GOLGA6L6: variants seen among roughly 807,000 people sequenced by gnomAD.
GOLGA6L6 encodes golgin subfamily A member 6-like protein 6.
GOLGA6L6 carries 12 observed loss-of-function variants against 75.6 expected under a neutral mutation model. The observed-to-expected ratio is 0.16, with a 90% CI of 0.10 to 0.26. GOLGA6L6 has a LOEUF of 0.26. Ranked by LOEUF, GOLGA6L6 falls within the 10% of genes least tolerant of loss-of-function variation. The pLI is 1.00. For missense variants in GOLGA6L6, 144 were observed against 598.5 expected, an observed-to-expected ratio of 0.24 and a Z score of 7.92; for synonymous variants, 38 against 179.2, an observed-to-expected ratio of 0.21 and a Z score of 6.29.
In GOLGA6L6 at chr15:20,539,225, T is replaced by C. The variant is rs1408637628; in HGVS notation, c.292-539A>G. Among the ~76,000 whole-genome samples the C allele has an allele frequency of 3.4e-4, 20 of 58,256 alleles. 8 individuals carry two copies. The highest frequency in any genetic ancestry group is 1.4e-3 in the African/African-American group (19 of 13,156). 38.2% of individuals were successfully genotyped at this position (58,256 alleles called of 152,430 possible). ...TCTTGAAAAGATACTAACAGAAACCTTCAGAGGTGGAGTGCGAGAAAAGCC... is the reference window on the plus strand; with the variant it reads ...TCTTGAAAAGATACTAACAGAAACCCTCAGAGGTGGAGTGCGAGAAAAGCC... On this transcript the variant is annotated intron_variant, in intron 2 of 8. Coordinates refer to ENST00000619213, the MANE Select transcript of GOLGA6L6 (RefSeq NM_001145004.2).
In GOLGA6L6 at chr15:20,535,443, T is replaced by C. The variant is rs1890347186; in HGVS notation, c.991A>G (p.Met331Val). 1.5e-6 allele frequency: 1 copy of C among 666,434 alleles called. No individual in the cohort carries two copies. Among genetic ancestry groups the C allele is most frequent in the Non-Finnish European group, 2.7e-6 (1 of 370,556 alleles). The allele number at this position is 666,434 out of a possible 1,614,324, so 41.3% of individuals were successfully genotyped here. A position where few individuals can be genotyped will look rare whatever the true frequency, so the allele number is the denominator to read the frequency against. Reference sequence around the variant, plus strand: ...ATCTTCTCCTCCTTCTCCCACATCATCTCCTCCTGCCTCCGCATCTTCTCC... The same window carrying C: ...ATCTTCTCCTCCTTCTCCCACATCACCTCCTCCTGCCTCCGCATCTTCTCC... Reference protein sequence around the residue: ...QEEKMRRQEEMMWEKEEKMRR... With the variant: ...QEEKMRRQEEVMWEKEEKMRR... Residue 331 changes from methionine (M) to valine (V), a missense_variant, in exon 8 of 9, where the codon ATG becomes GTG. Met to Val is a conservative substitution (Grantham distance 21). Coordinates refer to ENST00000619213, the MANE Select transcript of GOLGA6L6 (RefSeq NM_001145004.2).
chr15:20,539,130 AAAG>A (rs1458779988), intron 2 of GOLGA6L6, among the ~76,000 whole-genome samples: 1 of 53,294 alleles, frequency 1.9e-5, no homozygotes, highest in Non-Finnish European at 3.8e-5. Flanking sequence ...CTCAACTCCC[AAAG>A]AAGAAGGATT....
chr15:20,537,418 G>A (rs1222664350), intron 5 of GOLGA6L6, among the ~76,000 whole-genome samples: 1 of 128,400 alleles, frequency 7.8e-6, no homozygotes, highest in East Asian at 2.1e-4. Flanking sequence ...TTTAGAGCTG[G>A]CTAACAGGGG....
Position 20,539,336 on chromosome 15 carries a change from C to T in GOLGA6L6, c.291+437G>A, listed in dbSNP as rs1414898571. ...ACGGGCCAGGGACGGTTCTTCACAG[C>T]GGGAATAGAGGTCAGAAAAGGCAGA... On this transcript the variant is annotated intron_variant, in intron 2 of 8. Transcript: ENST00000619213. 8.9e-5 allele frequency among the ~76,000 whole-genome samples: 4 copies of T among 45,066 alleles called. 1 individual carries two copies. The highest frequency in any genetic ancestry group is 6.7e-4 in the Admixed American group (2 of 3,006). The allele number at this position is 45,066 out of a possible 152,430, so 29.6% of individuals were successfully genotyped here.
intron 5 of GOLGA6L6, among the ~76,000 whole-genome samples, chr15:20,537,493 C>A (rs1243960219): frequency 0.17 from 16,101 of 93,328 alleles, 37 homozygotes; most frequent in East Asian, 0.31. Context: ...TCGAACCTTT[C>A]TTGAGTGCTT....
In GOLGA6L6 at chr15:20,532,763, GA is replaced by G. The variant is rs1890248473; in HGVS notation, c.*839del. 1.1e-5 allele frequency: 1 copy of G among 87,804 alleles called. No individual in the cohort carries two copies. Among genetic ancestry groups the G allele is most frequent in the African/African-American group, 4.7e-5 (1 of 21,450 alleles). 5.4% of individuals were successfully genotyped at this position (87,804 alleles called of 1,614,324 possible). ...CACATTTGGTGATTGGTCAACAGTAGAGGGCTAAGAGGCTAAGAAACTGAGT... is the reference window on the plus strand; with the variant it reads ...CACATTTGGTGATTGGTCAACAGTAGGGGCTAAGAGGCTAAGAAACTGAGT... On this transcript the variant is annotated 3_prime_UTR_variant, in exon 9 of 9. Transcript: ENST00000619213.
At chr15:20,535,775 CG>C in intron 7 of GOLGA6L6, 86 bp from the exon 8 acceptor site, 2 of 726,848 alleles carry the variant, frequency 2.8e-6, no homozygotes, top group Non-Finnish European at 4.0e-6. Flanking sequence ...AGGCTGGGTG[CG>C]GTGGCTCACG....
rs1221369967 is a variant in GOLGA6L6, at chr15:20,539,283, GCATT to G, written c.291+486_291+489del. On this transcript the variant is annotated intron_variant, in intron 2 of 8. Coordinates refer to ENST00000619213, the MANE Select transcript of GOLGA6L6 (RefSeq NM_001145004.2). ...CCGCCAGCTTGTGATTTAGAAAGGT[GCATT>G]CACTCAGCAAACGTTGAGCACATAC... Among the ~76,000 whole-genome samples the G allele has an allele frequency of 2.8e-4, 15 of 53,488 alleles. 4 individuals carry two copies. The highest frequency in any genetic ancestry group is 2.3e-4 in the Non-Finnish European group (6 of 26,596). 35.1% of individuals were successfully genotyped at this position (53,488 alleles called of 152,430 possible).
At chr15:20,534,218 C>T (rs1278198666) in intron 8 of GOLGA6L6, 41 bp downstream of exon 8, 4 of 729,734 alleles carry the variant, frequency 5.5e-6, no homozygotes, top group African/African-American at 5.7e-5. Context: ...GGCCTTCTGC[C>T]CCAGCTTCCC....
At chr15:20,534,120 C>A in intron 8 of GOLGA6L6, 139 bp downstream of exon 8, 1 of 471,786 alleles carries the variant, frequency 2.1e-6, no homozygotes, top group Middle Eastern at 4.8e-4. Flanking sequence ...GCAGAGGGAG[C>A]CAACCACCAT....
At chr15:20,537,052 C>CTTTCT (rs1555384806) in intron 5 of GOLGA6L6, among the ~76,000 whole-genome samples, 180 bp from the exon 6 acceptor site, 2 of 32,510 alleles carry the variant, frequency 6.2e-5, no homozygotes, top group East Asian at 1.9e-3. Flanking sequence ...TTCTTTCTTT[C>CTTTCT]TTTTTTTTTT....
At chr15:20,535,986 G>T (rs1377096804) in intron 7 of GOLGA6L6, among the ~76,000 whole-genome samples, 2 of 52,984 alleles carry the variant, frequency 3.8e-5, no homozygotes, top group Admixed American at 2.4e-4. Context: ...GGTGGAGCTT[G>T]CAGTGAGCCG....
At position 20,534,522 on chromosome 15, in the gene GOLGA6L6, G is replaced by T. The variant is rs199714190; in HGVS notation, c.1912C>A (p.Gln638Lys). Residue 638 changes from glutamine (Q) to lysine (K), a missense_variant, in exon 8 of 9, where the codon CAA becomes AAA. By Grantham distance (53) the Gln-to-Lys change is moderately conservative. Transcript: ENST00000619213. ...EKMCEQEEKM[Q>K]EQEETMWRQE... is the part of the protein sequence containing the mutation. ...CTCCACATCGTCTCCTCCTGTTCTT[G>T]CATCTTCTCTTCCTGCTCACACATC... 5.5e-4 allele frequency: 838 copies of T among 1,522,104 alleles called. 7 individuals are homozygous for T. The highest frequency in any genetic ancestry group is 5.6e-4 in the Non-Finnish European group (631 of 1,131,428). The allele number at this position is 1,522,104 out of a possible 1,614,324, so 94.3% of individuals were successfully genotyped here.
chr15:20,534,838 C>A lies in GOLGA6L6; in HGVS notation c.1596G>T (p.Lys532Asn). 1 of 1,181,864 alleles carries A rather than the reference C, an allele frequency of 8.5e-7. No homozygotes were observed. The highest frequency in any genetic ancestry group is 1.2e-6 in the Non-Finnish European group (1 of 843,490). The allele number at this position is 1,181,864 out of a possible 1,614,324, so 73.2% of individuals were successfully genotyped here. Reference sequence around the variant, plus strand: ...CCTGCCTCTTCTCCTCCTCCCATATCTTCTCCTGCTCATGCATCTTCTCTT... The same window carrying A: ...CCTGCCTCTTCTCCTCCTCCCATATATTCTCCTGCTCATGCATCTTCTCTT... The part of the protein sequence containing the change: ...REEEKMHEQE[K>N]IWEEEKRQEQ... The change falls in exon 8 of 9, where the codon AAG (lysine) becomes AAT (asparagine). Residue 532 changes from lysine to asparagine, a missense_variant. Coordinates refer to ENST00000619213, the MANE Select transcript of GOLGA6L6 (RefSeq NM_001145004.2).
At position 20,532,580 on chromosome 15, in the gene GOLGA6L6, G is replaced by A. The variant is rs1272585069; in HGVS notation, c.*1023C>T. ...ACTTTCAGTAAAGGCAGAGGAGCTT[G>A]TTACGGATTCGCCTCCCCACAAGAG... On this transcript the variant is annotated 3_prime_UTR_variant, in exon 9 of 9. Transcript: ENST00000619213. 7.0e-6 allele frequency: 1 copy of A among 142,822 alleles called. No individual in the cohort carries two copies. Among genetic ancestry groups the A allele is most frequent in the Non-Finnish European group, 1.5e-5 (1 of 65,158 alleles). 8.8% of individuals were successfully genotyped at this position (142,822 alleles called of 1,614,324 possible).
At chr15:20,537,600 G>A (rs1484839430) in intron 5 of GOLGA6L6, among the ~76,000 whole-genome samples, 1 of 147,412 alleles carries the variant, frequency 6.8e-6, no homozygotes, top group Non-Finnish European at 1.5e-5. Context: ...AAAACATGCG[G>A]TATTAAAGGT....
chr15:20,537,506 C>A (rs1417020255), intron 5 of GOLGA6L6, among the ~76,000 whole-genome samples: 1 of 147,050 alleles, frequency 6.8e-6, no homozygotes, highest in Middle Eastern at 3.5e-3. Context: ...GAGTGCTTCA[C>A]CAGGCACTAT....
In GOLGA6L6 at chr15:20,538,946, C is replaced by T. The variant is rs917945767; in HGVS notation, c.292-260G>A. Among the ~76,000 whole-genome samples the T allele has an allele frequency of 9.9e-5, 6 of 60,792 alleles. 2 individuals are homozygous for T. The highest frequency in any genetic ancestry group is 7.0e-5 in the Non-Finnish European group (2 of 28,528). 39.9% of individuals were successfully genotyped at this position (60,792 alleles called of 152,430 possible). On this transcript the variant is annotated intron_variant, in intron 2 of 8. Transcript: ENST00000619213. ...TGTCGTGAGCAAAGAAATCACACTA[C>T]TTCTTCCAGCTGAGCTCAGTTCTAT...
chr15:20,539,145 G>C (rs199891541), intron 2 of GOLGA6L6, among the ~76,000 whole-genome samples: 12,367 of 50,446 alleles, frequency 0.25, 4,313 homozygotes, highest in Admixed American at 0.34. Flanking sequence ...AGAAGGATTT[G>C]GGTCTTTTTG....
Sources: gnomAD v4.1 joint callset for allele counts (sites outside exome capture counted in the v4.1 genomes callset) on GRCh38, gnomAD v4.1.1 for gene constraint, MANE v1.5 for transcripts, NCBI Gene and HGNC (gene_info 2026-07-23, HGNC 2026-07-21) for gene names.